Variants in EPHA3 observed in about 807,000 individuals in gnomAD.
The protein encoded by EPHA3 is ephrin type-A receptor 3.
Under a neutral mutation model 107.1 loss-of-function variants are expected in EPHA3, and 42 were observed. The observed-to-expected ratio is 0.39, with a 90% confidence interval of 0.31 to 0.51. EPHA3 has a LOEUF of 0.51. Among genes scored for constraint, EPHA3 ranks in the 20% least tolerant of loss-of-function variants. The pLI is 0.78. For missense variants in EPHA3, 1,183 were observed against 1,211.2 expected (o/e 0.98, Z 0.35); for synonymous variants, 461 against 424.8 (o/e 1.09, Z -1.05).
chr3:89,297,091 G>A lies in EPHA3; in HGVS notation c.815-43825G>A, dbSNP rs774012973. On this transcript the variant is annotated intron_variant, in intron 3 of 16. Coordinates refer to ENST00000336596, the MANE Select transcript of EPHA3 (RefSeq NM_005233.6). ...TGTTGTGAATGGTTTGATCTTCTCT[G>A]CAGACCACTACAACTTCTTTCATAT... Among the ~76,000 whole-genome samples the A allele has an allele frequency of 2.0e-5, 3 of 152,134 alleles. No homozygotes were observed. The East Asian group carries it at 5.8e-4, about 29-fold the overall frequency.
At chr3:89,407,044 A>T (rs1325927274) in intron 7 of EPHA3, among the ~76,000 whole-genome samples, 3 of 152,182 alleles carry the variant, frequency 2.0e-5, no homozygotes, top group Non-Finnish European at 4.4e-5. Flanking sequence ...GAAACAAAGT[A>T]TGTACCCATA....
At chr3:89,304,089 C>T (rs1706554432) in intron 3 of EPHA3, among the ~76,000 whole-genome samples, 1 of 151,962 alleles carries the variant, frequency 6.6e-6, no homozygotes, top group African/African-American at 2.4e-5. Context: ...TGTTGTATCC[C>T]CAGCCCCCAC....
intron 2 of EPHA3, among the ~76,000 whole-genome samples, chr3:89,184,240 C>T (rs1205158565): frequency 2.0e-5 from 3 of 151,910 alleles, no homozygotes; most frequent in African/African-American, 4.8e-5. Context: ...GAAGAAAACA[C>T]AAGGATATGT....
chr3:89,271,834 G>A (rs958607780), intron 3 of EPHA3, among the ~76,000 whole-genome samples: 5 of 151,788 alleles, frequency 3.3e-5, no homozygotes, highest in Non-Finnish European at 7.4e-5. Flanking sequence ...AACAACATGG[G>A]TTTGAACTTC....
At chr3:89,177,558 G>A (rs897627668) in intron 2 of EPHA3, among the ~76,000 whole-genome samples, 3 of 152,054 alleles carry the variant, frequency 2.0e-5, no homozygotes, top group Admixed American at 2.0e-4. Flanking sequence ...TCTCTTTTAG[G>A]TTTCATTTTT....
At chr3:89,284,399 A>C (rs527992658) in intron 3 of EPHA3, among the ~76,000 whole-genome samples, 1 of 152,206 alleles carries the variant, frequency 6.6e-6, no homozygotes, top group South Asian at 2.1e-4. Context: ...TAACTTTTTT[A>C]CAAAGTCAGT....
At chr3:89,152,258 T>C (rs1415287333) in intron 2 of EPHA3, among the ~76,000 whole-genome samples, 1 of 152,034 alleles carries the variant, frequency 6.6e-6, no homozygotes, top group Non-Finnish European at 1.5e-5. Context: ...GAATACAACA[T>C]ACATAAGTCA....
chr3:89,130,993 TG>T (rs1704197520), intron 2 of EPHA3, among the ~76,000 whole-genome samples: 2 of 152,330 alleles, frequency 1.3e-5, no homozygotes, highest in East Asian at 3.9e-4. Flanking sequence ...TAGGGAGATA[TG>T]ATACTACATA....
chr3:89,369,061 A>T (rs1483651611), intron 5 of EPHA3, among the ~76,000 whole-genome samples: 1 of 150,482 alleles, frequency 6.6e-6, no homozygotes, highest in Non-Finnish European at 1.5e-5. Context: ...TTTCTCTGCT[A>T]TTGAAGCGTG....
intron 1 of EPHA3, among the ~76,000 whole-genome samples, chr3:89,120,641 T>A (rs188549456): frequency 6.6e-6 from 1 of 152,312 alleles, no homozygotes; most frequent in East Asian, 1.9e-4. Flanking sequence ...CTAGCAGAAT[T>A]TTGTTCTATG....
chr3:89,295,090 G>T (rs1299863075), intron 3 of EPHA3, among the ~76,000 whole-genome samples: 1 of 151,964 alleles, frequency 6.6e-6, no homozygotes, highest in Non-Finnish European at 1.5e-5. Flanking sequence ...AAATATTGTG[G>T]ATTTATTCCA....
intron 2 of EPHA3, among the ~76,000 whole-genome samples, chr3:89,173,452 A>G (rs1705252400): frequency 6.6e-6 from 1 of 152,052 alleles, no homozygotes. Context: ...ACTCAGTTTC[A>G]TTTTATCGTT....
chr3:89,215,995 T>C (rs548659057), intron 3 of EPHA3, among the ~76,000 whole-genome samples: 1 of 152,122 alleles, frequency 6.6e-6, no homozygotes, highest in African/African-American at 2.4e-5. Flanking sequence ...GTTCTTTTCA[T>C]TAAATTATTA....
chr3:89,149,299 T>C (rs1286091778), intron 2 of EPHA3, among the ~76,000 whole-genome samples: 4 of 151,992 alleles, frequency 2.6e-5, no homozygotes, highest in South Asian at 2.1e-4. Flanking sequence ...AAGTATTACT[T>C]TGAGGATGGA....
intron 2 of EPHA3, among the ~76,000 whole-genome samples, chr3:89,209,114 G>T (rs1371816428): frequency 1.3e-5 from 2 of 152,124 alleles, no homozygotes; most frequent in Admixed American, 6.6e-5. Context: ...GATAAAAGTT[G>T]TTCTAAGATA....
chr3:89,470,508 C>T (rs186129250), intron 15 of EPHA3, among the ~76,000 whole-genome samples: 3 of 152,268 alleles, frequency 2.0e-5, no homozygotes, highest in African/African-American at 7.2e-5. Flanking sequence ...AATTGATATC[C>T]TCACCATCAT....
At chr3:89,362,848 G>T (rs565423952) in intron 5 of EPHA3, among the ~76,000 whole-genome samples, 1 of 151,028 alleles carries the variant, frequency 6.6e-6, no homozygotes, top group South Asian at 2.1e-4. Flanking sequence ...CCAGTTAAAA[G>T]AAAATATTCT....
chr3:89,184,027 T>C (rs1705504109), intron 2 of EPHA3, among the ~76,000 whole-genome samples: 1 of 151,992 alleles, frequency 6.6e-6, no homozygotes, highest in Non-Finnish European at 1.5e-5. Context: ...TTTTAAGGTT[T>C]GACCTTTTCC....
chr3:89,158,063 T>A (rs1018983193), intron 2 of EPHA3, among the ~76,000 whole-genome samples: 1 of 152,110 alleles, frequency 6.6e-6, no homozygotes, highest in Non-Finnish European at 1.5e-5. Context: ...GTTCTATGTA[T>A]ACCATTGCTT....
Sources: allele counts gnomAD v4.1 joint callset (sites outside exome capture counted in the v4.1 genomes callset), GRCh38; gene constraint gnomAD v4.1.1; transcripts MANE v1.5; gene names NCBI Gene and HGNC (gene_info 2026-07-23, HGNC 2026-07-21).